Variants in CELF2 observed in about 807,000 individuals in gnomAD.
The protein encoded by CELF2 is CUGBP Elav-like family member 2.
A neutral mutation model predicts 62.6 loss-of-function variants in CELF2; 8 were observed. The observed-to-expected ratio is 0.13, with a 90% confidence interval of 0.07 to 0.23. The LOEUF is 0.23. CELF2 is among the 10% of genes least tolerant of loss of function. The pLI, the probability that CELF2 is intolerant of heterozygous loss-of-function variation, is 1.00. For missense variants in CELF2, 333 were observed against 671.0 expected, an observed-to-expected ratio of 0.50 and a Z score of 5.56; for synonymous variants, 258 against 250.0, an observed-to-expected ratio of 1.03 and a Z score of -0.30.
chr10:10,949,869 C>T (rs993952456), intron 2 of CELF2, among the ~76,000 whole-genome samples: 2 of 150,118 alleles, frequency 1.3e-5, no homozygotes, highest in Non-Finnish European at 3.0e-5. Flanking sequence ...AATTCAAACT[C>T]ACTTTACATG....
At chr10:11,197,960 G>A (rs1241455667) in intron 2 of CELF2, among the ~76,000 whole-genome samples, 1 of 152,212 alleles carries the variant, frequency 6.6e-6, no homozygotes, top group Admixed American at 6.5e-5. Context: ...TTTCAATAGA[G>A]AAGTTGGATT....
At chr10:11,131,596 C>T (rs1030851374) in intron 1 of CELF2, among the ~76,000 whole-genome samples, 1 of 152,318 alleles carries the variant, frequency 6.6e-6, no homozygotes, top group South Asian at 2.1e-4. Context: ...CACCTCCCCT[C>T]GCATGTTTAT....
At chr10:10,608,129 AAAACAAACAAACAAAC>A in the CELF2 span, among the ~76,000 whole-genome samples, 10 of 125,074 alleles carry the variant, frequency 8.0e-5, no homozygotes, top group East Asian at 2.1e-4. Context: ...AACTCTGTTA[AAAACAAACAAACAAAC>A]AAACAAACAA....
At chr10:10,872,090 G>A (rs904262334) in intron 1 of CELF2, among the ~76,000 whole-genome samples, 1 of 152,144 alleles carries the variant, frequency 6.6e-6, no homozygotes, top group Non-Finnish European at 1.5e-5. Flanking sequence ...CCTTTGGAAA[G>A]CTCCTGTCCT....
chr10:10,791,952 AGG>A, the CELF2 span, among the ~76,000 whole-genome samples: 1 of 151,390 alleles, frequency 6.6e-6, no homozygotes, highest in Non-Finnish European at 1.5e-5. Flanking sequence ...GAAAGAAGGA[AGG>A]AGAGAAGGAG....
chr10:10,935,646 A>T (rs1193672512), intron 2 of CELF2, among the ~76,000 whole-genome samples: 5 of 152,224 alleles, frequency 3.3e-5, no homozygotes, highest in African/African-American at 7.2e-5. Context: ...GCAATAATAA[A>T]GAACAATCCT....
At chr10:10,794,602 C>T (rs1260468131), upstream of CELF2, 1 of 151,676 alleles carries the variant, frequency 6.6e-6, no homozygotes, top group Non-Finnish European at 1.5e-5. Flanking sequence ...TTTTTTAAAG[C>T]CCCTATCAGG....
At chr10:10,536,549 G>A in the CELF2 span, among the ~76,000 whole-genome samples, 1 of 152,138 alleles carries the variant, frequency 6.6e-6, no homozygotes, top group African/African-American at 2.4e-5. Context: ...TTTTGTGGCT[G>A]GCAACTCTAG....
chr10:11,081,425 A>C (rs140917885), intron 1 of CELF2, among the ~76,000 whole-genome samples: 1 of 152,198 alleles, frequency 6.6e-6, no homozygotes, highest in Admixed American at 6.5e-5. Flanking sequence ...GGACAATTCA[A>C]GTTTGAAAAA....
chr10:10,842,632 G>T (rs1405920790), intron 1 of CELF2, among the ~76,000 whole-genome samples: 2 of 151,906 alleles, frequency 1.3e-5, no homozygotes, highest in African/African-American at 4.8e-5. Flanking sequence ...TGCATACTTG[G>T]AATAAATCCT....
intron 1 of CELF2, among the ~76,000 whole-genome samples, chr10:11,100,303 G>A (rs888184670): frequency 7.2e-5 from 11 of 152,008 alleles, no homozygotes; most frequent in Non-Finnish European, 1.3e-4. Flanking sequence ...GTCAGCTAAG[G>A]GTGATGCTAA....
chr10:11,091,658 T>G lies in CELF2; in HGVS notation c.74+73495T>G, dbSNP rs376497444. Among the ~76,000 whole-genome samples, 5 of 152,300 alleles carry G rather than the reference T, an allele frequency of 3.3e-5. No individual in the cohort carries two copies. The East Asian group carries it at 5.8e-4, about 18-fold the overall frequency. Reference sequence around the variant, plus strand: ...ATCGAAGATGGAGGCGAACCCGAATTTTTTTCCCCTACCAGCCTAGTAGTT... The same window carrying G: ...ATCGAAGATGGAGGCGAACCCGAATGTTTTTCCCCTACCAGCCTAGTAGTT... On this transcript the variant is annotated intron_variant, in intron 1 of 12. Transcript: ENST00000633077.
chr10:11,027,585 G>A (rs1417531259), intron 1 of CELF2, among the ~76,000 whole-genome samples: 1 of 152,134 alleles, frequency 6.6e-6, no homozygotes, highest in Non-Finnish European at 1.5e-5. Context: ...CATTCCATTG[G>A]CTATGCGTGG....
intron 2 of CELF2, among the ~76,000 whole-genome samples, chr10:10,991,537 C>G (rs2053443122): frequency 6.6e-6 from 1 of 152,176 alleles, no homozygotes; most frequent in Non-Finnish European, 1.5e-5. Context: ...GGGTGATAAA[C>G]TGCCCATAAC....
the CELF2 span, among the ~76,000 whole-genome samples, chr10:10,631,578 A>G: frequency 6.6e-6 from 1 of 152,226 alleles, no homozygotes; most frequent in Non-Finnish European, 1.5e-5. Context: ...AATAGGAAAC[A>G]TAAAACCTTA....
intron 1 of CELF2, among the ~76,000 whole-genome samples, chr10:11,029,104 A>G (rs375240322): frequency 9.9e-5 from 15 of 152,156 alleles, no homozygotes; most frequent in African/African-American, 3.1e-4. Flanking sequence ...CAGGCCGCAG[A>G]ATGCCTGGAG....
the CELF2 span, among the ~76,000 whole-genome samples, chr10:10,485,473 T>C: frequency 6.6e-6 from 1 of 152,340 alleles, no homozygotes; most frequent in East Asian, 1.9e-4. Flanking sequence ...TGGTTACAAG[T>C]GTGAACAATC....
chr10:10,558,704 A>T, the CELF2 span, among the ~76,000 whole-genome samples: 484 of 152,202 alleles, frequency 3.2e-3, 2 homozygotes, highest in African/African-American at 0.011. Flanking sequence ...TTATTGCCAC[A>T]ATTTCAGCTC....
At chr10:10,705,308 T>C in the CELF2 span, among the ~76,000 whole-genome samples, 1 of 151,410 alleles carries the variant, frequency 6.6e-6, no homozygotes, top group African/African-American at 2.4e-5. Context: ...TCTGTGCGTG[T>C]GTGAGTCCCA....
Sources: allele counts gnomAD v4.1 joint callset (sites outside exome capture counted in the v4.1 genomes callset), GRCh38; gene constraint gnomAD v4.1.1; transcripts MANE v1.5; gene names NCBI Gene and HGNC (gene_info 2026-07-23, HGNC 2026-07-21).